The following DOCK7 variants were observed in gnomAD, a reference collection of about 807,000 sequenced individuals.
DOCK7 encodes dedicator of cytokinesis protein 7.
DOCK7 carries 138 observed loss-of-function variants against 271.0 expected under a neutral mutation model. That is an observed-to-expected ratio of 0.51 (90% CI 0.44 to 0.59). The LOEUF is 0.59. DOCK7 is among the 20% of genes least tolerant of loss of function. DOCK7 has a pLI of 0.00. For synonymous variants in DOCK7, 823 were observed against 876.1 expected (o/e 0.94, Z 1.07); for missense variants, 2,066 against 2,592.4 (o/e 0.80, Z 4.41).
chr1:62,527,620 T>G (rs537938003), intron 31 of DOCK7, among the ~76,000 whole-genome samples: 1 of 151,202 alleles, frequency 6.6e-6, no homozygotes, highest in Non-Finnish European at 1.5e-5. Flanking sequence ...CAGCAAACTA[T>G]TGCAAGGACA....
At position 62,567,764 on chromosome 1, in the gene DOCK7, GA is replaced by G. The variant is rs1239201388; in HGVS notation, c.2113-6062del. On this transcript the variant is annotated intron_variant, in intron 18 of 49. Transcript: ENST00000635253. ...AAAATAAAGATTCTGAAACATTTTT[GA>G]AAAAAAAAAAGCCAGCAGAGTAAGT... is the stretch of plus-strand genomic sequence containing the variant. Among the ~76,000 whole-genome samples, 920 of 137,378 alleles carry G rather than the reference GA, an allele frequency of 6.7e-3. 10 individuals are homozygous for G. The highest frequency in any genetic ancestry group is 0.023 in the African/African-American group (850 of 37,560). 90.1% of individuals were successfully genotyped at this position (137,378 alleles called of 152,430 possible).
At chr1:62,617,516 T>C (rs1652596147) in intron 14 of DOCK7, among the ~76,000 whole-genome samples, 1 of 152,024 alleles carries the variant, frequency 6.6e-6, no homozygotes. Context: ...TGGTAGCCTT[T>C]AGCCCCAGGT....
chr1:62,485,008 C>T (rs1423287914), intron 43 of DOCK7: 4 of 320,192 alleles, frequency 1.2e-5, no homozygotes, highest in East Asian at 1.7e-4. Context: ...GTGGCATGCG[C>T]CTACAGTCCT....
chr1:62,680,662 A>T (rs1202113898), intron 1 of DOCK7, among the ~76,000 whole-genome samples: 1 of 152,114 alleles, frequency 6.6e-6, no homozygotes, highest in Non-Finnish European at 1.5e-5. Flanking sequence ...TAATATCCAG[A>T]ATCTACAATG....
chr1:62,637,273 CTTAA>C (rs1655396010), intron 7 of DOCK7, among the ~76,000 whole-genome samples: 1 of 152,030 alleles, frequency 6.6e-6, no homozygotes, highest in Admixed American at 6.6e-5. Context: ...AAATTGTATA[CTTAA>C]TTGAGATGTC....
intron 42 of DOCK7, 181 bp from the exon 43 acceptor site, chr1:62,487,593 C>A: frequency 1.9e-6 from 1 of 513,996 alleles, no homozygotes; most frequent in Non-Finnish European, 3.4e-6. Flanking sequence ...GGTCAAAACC[C>A]AGTGGCTAAA....
chr1:62,625,058 A>C (rs1018918060), intron 12 of DOCK7: 2 of 425,808 alleles, frequency 4.7e-6, no homozygotes, highest in African/African-American at 2.0e-5. Flanking sequence ...TCAACATTTA[A>C]ATAAATATAA....
chr1:62,538,100 T>C (rs745748273), intron 27 of DOCK7, 39 bp from the exon 28 acceptor site: 1 of 1,578,432 alleles, frequency 6.3e-7, no homozygotes, highest in South Asian at 1.2e-5. Flanking sequence ...ACCAATTGAA[T>C]CTATTATTTC....
Position 62,539,563 on chromosome 1 carries a change from T to G in DOCK7, c.3282A>C (p.Ile1094=), listed in dbSNP as rs766607075. 6.2e-7 allele frequency: 1 copy of G among 1,612,252 alleles called. No homozygotes were observed. Among genetic ancestry groups the G allele is most frequent in the South Asian group, 1.1e-5 (1 of 90,380 alleles). Residue 1094 remains isoleucine (I), a synonymous_variant, in exon 27 of 50, where the codon ATA becomes ATC. Transcript: ENST00000635253. ...GCATTACCTGTTTATAGCAGGACTT[T>G]ATAAGGCTAAAAACAAATCCTCTGT... ...VMDRGFVFSL[I]KSCYKQVSSK...
intron 18 of DOCK7, among the ~76,000 whole-genome samples, chr1:62,570,340 A>G (rs371210859): frequency 2.6e-5 from 4 of 152,168 alleles, no homozygotes; most frequent in Non-Finnish European, 5.9e-5. Flanking sequence ...GAATACAGCT[A>G]ACAAGAAAAG....
At chr1:62,505,421 G>A (rs1646910468) in intron 36 of DOCK7, among the ~76,000 whole-genome samples, 1 of 152,082 alleles carries the variant, frequency 6.6e-6, no homozygotes, top group South Asian at 2.1e-4. Context: ...ATTAATTTCA[G>A]GCCCTTCTCC....
intron 22 of DOCK7, among the ~76,000 whole-genome samples, 191 bp from the exon 23 acceptor site, chr1:62,545,230 T>TA (rs1017166224): frequency 6.6e-5 from 10 of 152,164 alleles, no homozygotes; most frequent in African/African-American, 2.2e-4. Flanking sequence ...AACACAATTT[T>TA]AAAAAAAATC....
At chr1:62,682,208 G>A (rs1374659315) in intron 1 of DOCK7, among the ~76,000 whole-genome samples, 1 of 152,154 alleles carries the variant, frequency 6.6e-6, no homozygotes, top group African/African-American at 2.4e-5. Context: ...TCCAAGCAAG[G>A]GTTTGGCTTT....
At chr1:62,472,330 C>T (rs1645855361) in intron 48 of DOCK7, among the ~76,000 whole-genome samples, 1 of 152,160 alleles carries the variant, frequency 6.6e-6, no homozygotes. Context: ...GTCTTGAACT[C>T]CTGAGCTCTG....
intron 37 of DOCK7, 37 bp downstream of exon 37, chr1:62,504,593 T>G (rs1646886395): frequency 6.3e-7 from 1 of 1,584,452 alleles, no homozygotes; most frequent in Non-Finnish European, 8.6e-7. Context: ...TTATATTTCA[T>G]TATGAATACA....
At chr1:62,532,867 GA>G (rs1190293739) in intron 29 of DOCK7, among the ~76,000 whole-genome samples, 1 of 152,186 alleles carries the variant, frequency 6.6e-6, no homozygotes, top group African/African-American at 2.4e-5. Flanking sequence ...AGTATATGAG[GA>G]GGAAGAGAGT....
At chr1:62,498,813 T>G (rs563619178) in intron 37 of DOCK7, among the ~76,000 whole-genome samples, 2 of 152,096 alleles carry the variant, frequency 1.3e-5, no homozygotes, top group Admixed American at 1.3e-4. Flanking sequence ...CTTTCTTTTT[T>G]TTTTTTGAGA....
chr1:62,572,133 T>C (rs1228108386), intron 18 of DOCK7, among the ~76,000 whole-genome samples: 3 of 152,162 alleles, frequency 2.0e-5, no homozygotes, highest in Non-Finnish European at 4.4e-5. Flanking sequence ...TGAAAACTGT[T>C]AGACATGTAA....
At chr1:62,521,184 C>T (rs1409606286) in intron 31 of DOCK7, among the ~76,000 whole-genome samples, 4 of 151,838 alleles carry the variant, frequency 2.6e-5, no homozygotes, top group African/African-American at 4.8e-5. Context: ...CAAACCACCA[C>T]GGCATGTGTA....
Sources: gnomAD v4.1 joint callset for allele counts (sites outside exome capture counted in the v4.1 genomes callset) on GRCh38, gnomAD v4.1.1 for gene constraint, MANE v1.5 for transcripts, NCBI Gene and HGNC (gene_info 2026-07-23, HGNC 2026-07-21) for gene names.